The following ANKS1B variants were observed in gnomAD, a reference collection of about 807,000 sequenced individuals.
ANKS1B encodes ankyrin repeat and sterile alpha motif domain containing 1B.
In ANKS1B, 36 loss-of-function variants were observed where a neutral mutation model predicts 148.3. The observed-to-expected ratio is 0.24, with a 90% CI of 0.19 to 0.32. The LOEUF (loss-of-function observed/expected upper bound fraction) is 0.32. Among genes scored for constraint, ANKS1B ranks in the 10% least tolerant of loss-of-function variants. The pLI, the probability that ANKS1B is intolerant of heterozygous loss-of-function variation, is 1.00. For missense variants in ANKS1B, 1,157 were observed against 1,542.6 expected, an observed-to-expected ratio of 0.75 and a Z score of 4.19; for synonymous variants, 542 against 560.8, an observed-to-expected ratio of 0.97 and a Z score of 0.47.
chr12:99,527,289 T>G (rs1272974886), intron 9 of ANKS1B, among the ~76,000 whole-genome samples: 3 of 152,112 alleles, frequency 2.0e-5, no homozygotes, highest in Non-Finnish European at 4.4e-5. Context: ...GGGAAAAAAA[T>G]AACAATTAGG....
intron 8 of ANKS1B, among the ~76,000 whole-genome samples, chr12:99,713,883 T>G (rs746334253): frequency 6.6e-6 from 1 of 152,176 alleles, no homozygotes; most frequent in African/African-American, 2.4e-5. Context: ...TTTAGGTATT[T>G]GTTAGCGCAT....
chr12:99,927,903 A>C (rs2094512794), intron 1 of ANKS1B, among the ~76,000 whole-genome samples: 1 of 152,218 alleles, frequency 6.6e-6, no homozygotes, highest in African/African-American at 2.4e-5. Context: ...ACTATAACTA[A>C]AAATATTGTA....
intron 1 of ANKS1B, among the ~76,000 whole-genome samples, chr12:99,917,099 A>G (rs3907385): frequency 0.61 from 92,277 of 152,058 alleles, 29,150 homozygotes; most frequent in Middle Eastern, 0.7. Flanking sequence ...TACATGAAGA[A>G]AGAAGTGGTT....
chr12:99,772,554 T>C (rs1157753398), intron 8 of ANKS1B, among the ~76,000 whole-genome samples: 4 of 152,118 alleles, frequency 2.6e-5, no homozygotes, highest in Non-Finnish European at 5.9e-5. Context: ...TCTGTTAGTC[T>C]GAGTTCATAG....
At chr12:99,105,549 A>G (rs939633653) in intron 15 of ANKS1B, among the ~76,000 whole-genome samples, 25 of 136,080 alleles carry the variant, frequency 1.8e-4, no homozygotes, top group African/African-American at 6.5e-4. Context: ...CGGGCGGATC[A>G]CAAGGTCAGG....
chr12:99,332,031 A>G (rs1353627906), intron 12 of ANKS1B, among the ~76,000 whole-genome samples: 3 of 152,050 alleles, frequency 2.0e-5, no homozygotes, highest in African/African-American at 7.2e-5. Context: ...GGCACCACTA[A>G]GTAGTCCTTC....
intron 14 of ANKS1B, among the ~76,000 whole-genome samples, chr12:99,215,674 C>T (rs963031780): frequency 6.6e-6 from 1 of 152,154 alleles, no homozygotes; most frequent in African/African-American, 2.4e-5. Context: ...TTGCATGGGG[C>T]CTGTAGCCCC....
chr12:99,051,619 C>T (rs2099966146), intron 17 of ANKS1B, among the ~76,000 whole-genome samples: 1 of 152,130 alleles, frequency 6.6e-6, no homozygotes, highest in African/African-American at 2.4e-5. Flanking sequence ...CAGTTAGTTC[C>T]GTTGCCACAC....
intron 1 of ANKS1B, among the ~76,000 whole-genome samples, chr12:99,872,027 T>C (rs1411995647): frequency 6.6e-6 from 1 of 152,094 alleles, no homozygotes; most frequent in Non-Finnish European, 1.5e-5. Context: ...CTATTATTCG[T>C]CAAAGACAAC....
intron 25 of ANKS1B, among the ~76,000 whole-genome samples, chr12:98,762,004 T>G (rs928266899): frequency 2.0e-5 from 3 of 152,186 alleles, no homozygotes; most frequent in African/African-American, 7.2e-5. Flanking sequence ...ATCAGAGAGC[T>G]GCAGGCCCAG....
rs1392149589 is a variant in ANKS1B, at chr12:98,801,940, T to C, written c.3142-815A>G. 6.6e-6 allele frequency among the ~76,000 whole-genome samples: 1 copy of C among 152,210 alleles called. No homozygotes were observed. Among genetic ancestry groups the C allele is most frequent in the Non-Finnish European group, 1.5e-5 (1 of 68,040 alleles). On this transcript the variant is annotated intron_variant, in intron 20 of 26. Coordinates refer to ENST00000683438, the MANE Select transcript of ANKS1B (RefSeq NM_001352186.2). This position sits in a 1 kb window ranked among gnomAD's most constrained non-coding sequence, Gnocchi z 5.2. Reference sequence around the variant, plus strand: ...GCCTCAACCTGTTTCATCAGTATAATAGCTTAATGTGAGCATCTATAAAGT... The same window carrying C: ...GCCTCAACCTGTTTCATCAGTATAACAGCTTAATGTGAGCATCTATAAAGT...
chr12:99,518,494 G>A (rs550733809), intron 9 of ANKS1B, among the ~76,000 whole-genome samples: 37 of 151,712 alleles, frequency 2.4e-4, no homozygotes, highest in African/African-American at 8.9e-4. Flanking sequence ...CCAATTTATC[G>A]GCCTATAGTT....
At chr12:99,895,990 T>G (rs1245777925) in intron 1 of ANKS1B, among the ~76,000 whole-genome samples, 1 of 151,316 alleles carries the variant, frequency 6.6e-6, no homozygotes, top group Non-Finnish European at 1.5e-5. Context: ...TTAAGGTATA[T>G]AACATGATGT....
intron 22 of ANKS1B, among the ~76,000 whole-genome samples, chr12:98,784,710 C>T (rs776331549): frequency 3.3e-5 from 5 of 152,148 alleles, no homozygotes; most frequent in Non-Finnish European, 5.9e-5. Flanking sequence ...AAGGCATCAG[C>T]GGTGGTTCCT....
intron 9 of ANKS1B, among the ~76,000 whole-genome samples, chr12:99,560,144 G>A (rs1376447402): frequency 6.6e-6 from 1 of 152,268 alleles, no homozygotes; most frequent in East Asian, 1.9e-4. Context: ...GTGGTTTCAT[G>A]TTTAATTCAC....
At chr12:99,431,442 T>C (rs2095368662) in intron 11 of ANKS1B, among the ~76,000 whole-genome samples, 1 of 152,218 alleles carries the variant, frequency 6.6e-6, no homozygotes, top group Non-Finnish European at 1.5e-5. Flanking sequence ...GGGTCAGCTA[T>C]AAAGAGGCCT....
At chr12:99,186,639 G>A (rs532824095) in intron 14 of ANKS1B, among the ~76,000 whole-genome samples, 1 of 152,306 alleles carries the variant, frequency 6.6e-6, no homozygotes, top group African/African-American at 2.4e-5. Context: ...TAGACCTGCA[G>A]CAGAGGGGCC....
intron 14 of ANKS1B, among the ~76,000 whole-genome samples, chr12:99,205,064 C>G (rs1038235353): frequency 6.6e-5 from 10 of 152,042 alleles, no homozygotes; most frequent in Non-Finnish European, 1.5e-4. Context: ...CCAGGCCCCC[C>G]CCAAAAAGAA....
At chr12:99,555,248 T>C (rs2097263849) in intron 9 of ANKS1B, among the ~76,000 whole-genome samples, 1 of 152,112 alleles carries the variant, frequency 6.6e-6, no homozygotes, top group African/African-American at 2.4e-5. Flanking sequence ...CCGTCCACAA[T>C]GGTTGAACTA....
Sources: gnomAD v4.1 joint callset for allele counts (sites outside exome capture counted in the v4.1 genomes callset) on GRCh38, gnomAD v4.1.1 for gene constraint, Gnocchi (gnomAD v3.1) non-coding constraint, MANE v1.5 for transcripts, NCBI Gene and HGNC (gene_info 2026-07-23, HGNC 2026-07-21) for gene names.